SHISA9: variants seen among roughly 807,000 people sequenced by gnomAD.
The protein encoded by SHISA9 is shisa family member 9.
Under a neutral mutation model 38.0 loss-of-function variants are expected in SHISA9, and 13 were observed. That is an observed-to-expected ratio of 0.34 (90% confidence interval 0.22 to 0.54). SHISA9 has a LOEUF of 0.54. Among genes scored for constraint, SHISA9 ranks in the 20% least tolerant of loss-of-function variants. The pLI is 0.91. For missense variants in SHISA9, 538 were observed against 575.8 expected, an observed-to-expected ratio of 0.93 and a Z score of 0.67; for synonymous variants, 275 against 242.0, an observed-to-expected ratio of 1.14 and a Z score of -1.27.
At chr16:13,268,625 T>C in the SHISA9 span, among the ~76,000 whole-genome samples, 1 of 152,200 alleles carries the variant, frequency 6.6e-6, no homozygotes, top group Non-Finnish European at 1.5e-5. Flanking sequence ...TTCTCCGTAG[T>C]GTTAATGGTC....
At chr16:13,291,145 T>C in the SHISA9 span, among the ~76,000 whole-genome samples, 1 of 152,178 alleles carries the variant, frequency 6.6e-6, no homozygotes, top group African/African-American at 2.4e-5. Flanking sequence ...TTCACTGGGC[T>C]GGATCTGTTA....
the SHISA9 span, among the ~76,000 whole-genome samples, chr16:13,256,292 T>C: frequency 6.6e-6 from 1 of 152,166 alleles, no homozygotes; most frequent in South Asian, 2.1e-4. Flanking sequence ...ATTTATTTAT[T>C]TATTTTGAGA....
At chr16:13,376,661 A>G in the SHISA9 span, among the ~76,000 whole-genome samples, 1 of 152,136 alleles carries the variant, frequency 6.6e-6, no homozygotes, top group Non-Finnish European at 1.5e-5. Flanking sequence ...CTGAAAGAAC[A>G]TCCCTTATTC....
chr16:13,316,074 G>T, the SHISA9 span, among the ~76,000 whole-genome samples: 2 of 151,974 alleles, frequency 1.3e-5, no homozygotes, highest in Non-Finnish European at 2.9e-5. Context: ...TAAAGATGAA[G>T]GATGGCATTT....
At chr16:13,031,679 C>T (rs910259440) in intron 2 of SHISA9, among the ~76,000 whole-genome samples, 3 of 152,094 alleles carry the variant, frequency 2.0e-5, no homozygotes, top group African/African-American at 7.2e-5. Flanking sequence ...CTTCTTTTTA[C>T]GGCCTAAAAA....
chr16:13,536,709 G>A, the SHISA9 span, among the ~76,000 whole-genome samples: 1 of 152,206 alleles, frequency 6.6e-6, no homozygotes, highest in Admixed American at 6.5e-5. Flanking sequence ...TGCACCATGT[G>A]CATGTACAAG....
chr16:13,218,362 T>C (rs988321590), intron 4 of SHISA9, among the ~76,000 whole-genome samples: 2 of 152,192 alleles, frequency 1.3e-5, no homozygotes, highest in African/African-American at 4.8e-5. Context: ...AGACCTAGCT[T>C]TTCCTAATCC....
intron 2 of SHISA9, among the ~76,000 whole-genome samples, chr16:12,984,221 G>A (rs967515475): frequency 6.6e-6 from 1 of 152,106 alleles, no homozygotes; most frequent in Non-Finnish European, 1.5e-5. Context: ...CTAGCATCAA[G>A]GAAATGAGCA....
chr16:13,204,112 T>G (rs2051036157), intron 3 of SHISA9, among the ~76,000 whole-genome samples: 1 of 151,880 alleles, frequency 6.6e-6, no homozygotes, highest in Admixed American at 6.6e-5. Context: ...TGTCTACCTA[T>G]TATCTATCAT....
At chr16:13,388,463 C>T in the SHISA9 span, among the ~76,000 whole-genome samples, 1 of 152,068 alleles carries the variant, frequency 6.6e-6, no homozygotes. Flanking sequence ...AGGCATCCAC[C>T]ACCATGCCCA....
intron 2 of SHISA9, among the ~76,000 whole-genome samples, chr16:13,002,587 C>A (rs1395231165): frequency 4.2e-5 from 6 of 144,300 alleles, no homozygotes; most frequent in Admixed American, 7.1e-5. Flanking sequence ...GGCTTCAGTG[C>A]AGTGGTGTGA....
intron 4 of SHISA9, among the ~76,000 whole-genome samples, chr16:13,221,977 A>G (rs771256915): frequency 2.0e-5 from 3 of 152,210 alleles, no homozygotes; most frequent in Non-Finnish European, 4.4e-5. Context: ...AAGAGGTTCA[A>G]TGGACTCACA....
the SHISA9 span, among the ~76,000 whole-genome samples, chr16:13,286,364 C>A: frequency 2.6e-5 from 4 of 152,144 alleles, no homozygotes; most frequent in Non-Finnish European, 5.9e-5. Context: ...GGGTTCACAG[C>A]TTTAAACCCG....
intron 2 of SHISA9, among the ~76,000 whole-genome samples, chr16:12,935,025 CTCTT>C (rs2071510745): frequency 6.6e-6 from 1 of 152,206 alleles, no homozygotes; most frequent in Non-Finnish European, 1.5e-5. Context: ...AATTTTGTCT[CTCTT>C]TGTGTCCATT....
At chr16:13,130,646 G>A (rs761253171) in intron 2 of SHISA9, among the ~76,000 whole-genome samples, 1 of 152,040 alleles carries the variant, frequency 6.6e-6, no homozygotes, top group Non-Finnish European at 1.5e-5. Flanking sequence ...AAAATCTTCT[G>A]CAATGAAATA....
At chr16:13,261,746 A>G in the SHISA9 span, among the ~76,000 whole-genome samples, 2 of 152,288 alleles carry the variant, frequency 1.3e-5, no homozygotes, top group South Asian at 4.1e-4. Flanking sequence ...ATCATCATAA[A>G]CACTTTCTGT....
At chr16:13,405,167 T>A in the SHISA9 span, among the ~76,000 whole-genome samples, 1 of 152,250 alleles carries the variant, frequency 6.6e-6, no homozygotes, top group Admixed American at 6.5e-5. Flanking sequence ...ATCCTATAAT[T>A]GGTTCATTTG....
At chr16:13,119,935 A>T (rs948983803) in intron 2 of SHISA9, among the ~76,000 whole-genome samples, 1 of 152,170 alleles carries the variant, frequency 6.6e-6, no homozygotes, top group African/African-American at 2.4e-5. Context: ...TTTTTAGAAG[A>T]GGAGTGGTGG....
intron 2 of SHISA9, among the ~76,000 whole-genome samples, chr16:13,184,719 C>T (rs2050806083): frequency 1.3e-5 from 2 of 151,888 alleles, no homozygotes; most frequent in Non-Finnish European, 2.9e-5. Context: ...CAGTATCTGG[C>T]ATTCGAGTCT....
Sources: gnomAD v4.1 joint callset for allele counts (sites outside exome capture counted in the v4.1 genomes callset) on GRCh38, gnomAD v4.1.1 for gene constraint, MANE v1.5 for transcripts, NCBI Gene and HGNC (gene_info 2026-07-23, HGNC 2026-07-21) for gene names.